Variants in MECOM observed in about 807,000 individuals in gnomAD.
The protein encoded by MECOM is MDS1 and EVI1 complex locus.
MECOM carries 13 observed loss-of-function variants against 116.3 expected under a neutral mutation model. The observed-to-expected ratio is 0.11, with a 90% CI of 0.07 to 0.18. The LOEUF is 0.18. MECOM is among the 10% of genes least tolerant of loss of function. MECOM has a pLI of 1.00. For missense variants in MECOM, 1,299 were observed against 1,509.0 expected (o/e 0.86, Z 2.31); for synonymous variants, 528 against 535.2 (o/e 0.99, Z 0.19).
chr3:169,419,018 C>T (rs760240622), intron 1 of MECOM, among the ~76,000 whole-genome samples: 3 of 152,162 alleles, frequency 2.0e-5, no homozygotes, highest in Non-Finnish European at 4.4e-5. Flanking sequence ...TCCAAAATCT[C>T]CTTAAGCTGA....
At chr3:169,478,514 G>A (rs1006937974) in intron 1 of MECOM, among the ~76,000 whole-genome samples, 3 of 152,026 alleles carry the variant, frequency 2.0e-5, no homozygotes, top group African/African-American at 7.2e-5. Context: ...CACAAGTGAG[G>A]GTACGAATAC....
intron 2 of MECOM, among the ~76,000 whole-genome samples, chr3:169,330,189 C>G (rs1284580401): frequency 6.6e-6 from 1 of 152,112 alleles, no homozygotes; most frequent in Non-Finnish European, 1.5e-5. Flanking sequence ...CCACGACCAG[C>G]TAATTTTTTA....
rs574206659 is a variant in MECOM at position 169,211,148 on chromosome 3, G to A, written c.376-67316C>T. ...GATAACTACTTAAGAGTGACTTGCC[G>A]GAGTATACAGTAAGAAACTTCTAAA... On this transcript the variant is annotated intron_variant, in intron 2 of 16. Transcript: ENST00000651503. Among the ~76,000 whole-genome samples, 31 of 152,116 alleles carry A rather than the reference G, an allele frequency of 2.0e-4. No homozygotes were observed. In the East Asian group the frequency reaches 4.3e-3, roughly 21 times the overall value.
At chr3:169,557,082 A>C (rs1576864006) in intron 1 of MECOM, among the ~76,000 whole-genome samples, 2 of 152,268 alleles carry the variant, frequency 1.3e-5, no homozygotes, top group Admixed American at 6.5e-5. Flanking sequence ...CATTGCTCTC[A>C]GGCCGGAAAT....
chr3:169,443,582 C>G (rs981183198), intron 1 of MECOM, among the ~76,000 whole-genome samples: 2 of 152,192 alleles, frequency 1.3e-5, no homozygotes, highest in African/African-American at 4.8e-5. Context: ...GTCTTCTGTT[C>G]CCATCATTCC....
At chr3:169,278,068 C>T (rs988883048) in intron 2 of MECOM, among the ~76,000 whole-genome samples, 1 of 152,202 alleles carries the variant, frequency 6.6e-6, no homozygotes, top group Non-Finnish European at 1.5e-5. Flanking sequence ...AGTGAACTCT[C>T]CAGAAACATT....
chr3:169,386,055 A>G (rs958787394), intron 1 of MECOM, among the ~76,000 whole-genome samples: 1 of 152,176 alleles, frequency 6.6e-6, no homozygotes, highest in Non-Finnish European at 1.5e-5. Context: ...TTGGAAGTCA[A>G]CCTCTTCAAT....
chr3:169,292,335 AAT>A (rs1472889856), intron 2 of MECOM, among the ~76,000 whole-genome samples: 1 of 152,162 alleles, frequency 6.6e-6, no homozygotes. Context: ...GCCATCTCAA[AAT>A]AAAATAAAAT....
At chr3:169,658,888 G>A (rs527807640) in intron 1 of MECOM, among the ~76,000 whole-genome samples, 7 of 152,190 alleles carry the variant, frequency 4.6e-5, no homozygotes, top group African/African-American at 1.2e-4. Flanking sequence ...GGGCCGAGCC[G>A]GGCGTGCCGG....
intron 1 of MECOM, among the ~76,000 whole-genome samples, chr3:169,475,542 T>C (rs1246330180): frequency 6.6e-6 from 1 of 152,176 alleles, no homozygotes; most frequent in Non-Finnish European, 1.5e-5. Flanking sequence ...AATGGTAATG[T>C]TTCCTTAGCA....
intron 2 of MECOM, among the ~76,000 whole-genome samples, chr3:169,178,050 C>T (rs957207632): frequency 6.6e-6 from 1 of 152,182 alleles, no homozygotes; most frequent in Non-Finnish European, 1.5e-5. Context: ...TAATACATTT[C>T]AGGAGGCTAC....
chr3:169,485,561 C>G (rs79099933), intron 1 of MECOM, among the ~76,000 whole-genome samples: 3,564 of 151,924 alleles, frequency 0.023, 83 homozygotes, highest in Admixed American at 0.069. Flanking sequence ...TGAGAGGAAA[C>G]TTGAAGATCA....
chr3:169,246,680 C>T (rs1368281211), intron 2 of MECOM, among the ~76,000 whole-genome samples: 2 of 152,000 alleles, frequency 1.3e-5, no homozygotes, highest in Admixed American at 6.6e-5. Flanking sequence ...TGCCACCATG[C>T]CCAGCTAATT....
chr3:169,151,997 A>G (rs1217577391), intron 2 of MECOM, among the ~76,000 whole-genome samples: 1 of 152,112 alleles, frequency 6.6e-6, no homozygotes, highest in African/African-American at 2.4e-5. Flanking sequence ...ATCTAAGGTG[A>G]TATTCTGTTT....
intron 2 of MECOM, among the ~76,000 whole-genome samples, chr3:169,322,812 A>G (rs780627477): frequency 1.3e-5 from 2 of 151,962 alleles, no homozygotes; most frequent in Non-Finnish European, 2.9e-5. Context: ...AGCCTGGCCA[A>G]CATGGCAAAA....
chr3:169,161,157 C>T (rs1250696374), intron 2 of MECOM, among the ~76,000 whole-genome samples: 1 of 152,166 alleles, frequency 6.6e-6, no homozygotes, highest in African/African-American at 2.4e-5. Context: ...CTTTAAGTAG[C>T]TTTAAAATCC....
intron 2 of MECOM, among the ~76,000 whole-genome samples, chr3:169,202,841 A>G (rs1361198518): frequency 2.0e-5 from 3 of 146,678 alleles, no homozygotes; most frequent in Non-Finnish European, 3.0e-5. Context: ...AAAAAAAAAA[A>G]GAGTTAACAA....
intron 1 of MECOM, among the ~76,000 whole-genome samples, chr3:169,503,636 GCTT>G (rs971784214): frequency 6.6e-6 from 1 of 152,112 alleles, no homozygotes; most frequent in Non-Finnish European, 1.5e-5. Context: ...ATCAAAATTT[GCTT>G]CTTAATGGAT....
rs527388181 is a variant in MECOM at position 169,393,341 on chromosome 3, T to C, written c.38-11817A>G. Among the ~76,000 whole-genome samples, 49 of 152,296 alleles carry C rather than the reference T, an allele frequency of 3.2e-4. No homozygotes were observed. In the South Asian group the frequency reaches 4.1e-3, roughly 13 times the overall value. On this transcript the variant is annotated intron_variant, in intron 1 of 16. Coordinates refer to ENST00000651503, the MANE Select transcript of MECOM (RefSeq NM_004991.4). ...GAGAAGTGTCAGTACTATTGTCTTC[T>C]GGTGTCTTACACTACCCACCAGATA...
Sources: gnomAD v4.1 joint callset for allele counts (sites outside exome capture counted in the v4.1 genomes callset) on GRCh38, gnomAD v4.1.1 for gene constraint, MANE v1.5 for transcripts, NCBI Gene and HGNC (gene_info 2026-07-23, HGNC 2026-07-21) for gene names.